ZNF860: variants seen among roughly 807,000 people sequenced by gnomAD.
ZNF860 encodes the protein zinc finger protein 860.
For synonymous variants in ZNF860, 206 were observed against 248.9 expected (o/e 0.83, Z 1.62); for missense variants, 641 against 759.2 (o/e 0.84, Z 1.83).
downstream of ZNF860, among the ~76,000 whole-genome samples, chr3:31,993,400 G>C (rs925659415): frequency 1.3e-5 from 2 of 151,680 alleles, no homozygotes; most frequent in African/African-American, 4.8e-5. Context: ...TAGAGACAGG[G>C]TTTCTCCATG....
chr3:32,000,219 C>G, the ZNF860 span, among the ~76,000 whole-genome samples: 1 of 152,184 alleles, frequency 6.6e-6, no homozygotes, highest in Admixed American at 6.5e-5. Flanking sequence ...CATAATTTCA[C>G]TGTAGCATGG....
At chr3:31,998,514 C>T in the ZNF860 span, among the ~76,000 whole-genome samples, 1 of 152,184 alleles carries the variant, frequency 6.6e-6, no homozygotes, top group South Asian at 2.1e-4. Flanking sequence ...CTTGGGATTG[C>T]AATGATGGAG....
chr3:31,983,203 T>C (rs1194690985), intron 1 of ZNF860, among the ~76,000 whole-genome samples: 3 of 152,224 alleles, frequency 2.0e-5, no homozygotes, highest in African/African-American at 7.2e-5. Flanking sequence ...ATATGAGTGT[T>C]CATTGAGTCC....
the ZNF860 span, among the ~76,000 whole-genome samples, chr3:32,003,312 T>C: frequency 2.7e-4 from 41 of 152,326 alleles, no homozygotes; most frequent in African/African-American, 9.6e-4. Flanking sequence ...CCTATGCATA[T>C]ACACATGAAA....
chr3:32,005,802 G>A, the ZNF860 span, among the ~76,000 whole-genome samples: 1 of 151,950 alleles, frequency 6.6e-6, no homozygotes, highest in South Asian at 2.1e-4. Context: ...TTAGCCGCAT[G>A]GTCTCAGTCT....
the ZNF860 span, among the ~76,000 whole-genome samples, chr3:32,002,033 G>T: frequency 6.6e-6 from 1 of 152,294 alleles, no homozygotes; most frequent in South Asian, 2.1e-4. Context: ...GCAGGTTAGG[G>T]TTCAAACCCA....
chr3:31,998,301 A>G, the ZNF860 span, among the ~76,000 whole-genome samples: 1 of 152,132 alleles, frequency 6.6e-6, no homozygotes, highest in African/African-American at 2.4e-5. Context: ...GCATCAAAGT[A>G]TACTCCCCAT....
At chr3:31,986,734 G>A (rs1347965277) in intron 1 of ZNF860, among the ~76,000 whole-genome samples, 2 of 152,046 alleles carry the variant, frequency 1.3e-5, no homozygotes, top group East Asian at 1.9e-4. Context: ...CTGAAGACCA[G>A]GTGCAGTAGC....
At chr3:31,993,690 A>ACACACG (rs949281655), downstream of ZNF860, among the ~76,000 whole-genome samples, 1 of 151,864 alleles carries the variant, frequency 6.6e-6, no homozygotes, top group Non-Finnish European at 1.5e-5. Context: ...ATACACACAC[A>ACACACG]CACACACACA....
chr3:32,000,356 T>C, the ZNF860 span, among the ~76,000 whole-genome samples: 1 of 152,186 alleles, frequency 6.6e-6, no homozygotes, highest in Non-Finnish European at 1.5e-5. Flanking sequence ...AAATAGTGTT[T>C]AGGATCAGAC....
In ZNF860 at chr3:31,989,792, C is replaced by G. The variant is rs763745088; in HGVS notation, c.713C>G (p.Ala238Gly). Residue 238 changes from alanine to glycine, a missense_variant, in exon 2 of 2, where the codon GCC becomes GGC. Transcript: ENST00000360311. ...TTCCAATGTAATGAGAGTGGCAAAGCCTTTAATTGTAGCTCACTCTTAAGG... is the reference window on the plus strand; with the variant it reads ...TTCCAATGTAATGAGAGTGGCAAAGGCTTTAATTGTAGCTCACTCTTAAGG... Reference protein sequence around the residue: ...KSFQCNESGKAFNCSSLLRKH... With the variant: ...KSFQCNESGKGFNCSSLLRKH... 5.6e-6 allele frequency: 9 copies of G among 1,613,980 alleles called. No individual in the cohort carries two copies. Among genetic ancestry groups the G allele is most frequent in the Non-Finnish European group, 7.6e-6 (9 of 1,180,018 alleles).
the ZNF860 span, among the ~76,000 whole-genome samples, chr3:32,002,654 T>C: frequency 3.1e-5 from 4 of 130,260 alleles, no homozygotes; most frequent in African/African-American, 5.2e-5. Context: ...GATGTTTCAC[T>C]CTAACATCAT....
chr3:31,990,800 C>G lies in ZNF860; in HGVS notation c.1721C>G (p.Ala574Gly), dbSNP rs759351448. ...TACAAATGTGATGATTTTGACGAGG[C>G]CTTCAGTCAAGCTTCATCTTATGCA... is the stretch of plus-strand genomic sequence containing the variant. ...KPYKCDDFDE[A>G]FSQASSYAKQ... The change falls in exon 2 of 2, where the codon GCC (alanine) becomes GGC (glycine). Residue 574 changes from alanine (A) to glycine (G), a missense_variant. Coordinates refer to ENST00000360311, the MANE Select transcript of ZNF860 (RefSeq NM_001137674.3). 1.2e-6 allele frequency: 2 copies of G among 1,608,758 alleles called. No homozygotes were observed. The highest frequency in any genetic ancestry group is 1.7e-4 in the Middle Eastern group (1 of 6,048).
At chr3:31,997,922 G>T in the ZNF860 span, among the ~76,000 whole-genome samples, 5 of 151,952 alleles carry the variant, frequency 3.3e-5, no homozygotes, top group Non-Finnish European at 5.9e-5. Flanking sequence ...CGAGTAGCTG[G>T]GACTATACAG....
the ZNF860 span, among the ~76,000 whole-genome samples, chr3:32,002,211 C>A: frequency 2.0e-5 from 3 of 152,122 alleles, no homozygotes; most frequent in Non-Finnish European, 4.4e-5. Flanking sequence ...TTTTATCCTG[C>A]ATTTTAGGTG....
intron 1 of ZNF860, among the ~76,000 whole-genome samples, chr3:31,982,327 A>G (rs1698867169): frequency 6.6e-6 from 1 of 152,204 alleles, no homozygotes; most frequent in South Asian, 2.1e-4. Flanking sequence ...AATTACCTAG[A>G]AAAAAGCTTT....
rs149033991 is a variant in ZNF860 at position 31,988,823 on chromosome 3, T to C, written c.-257T>C. 469 of 531,596 alleles carry C rather than the reference T, an allele frequency of 8.8e-4. No homozygotes were observed. Among genetic ancestry groups the C allele is most frequent in the African/African-American group, 7.8e-3 (413 of 52,848 alleles). 32.9% of individuals were successfully genotyped at this position (531,596 alleles called of 1,614,324 possible). A position where few individuals can be genotyped will look rare whatever the true frequency, so the allele number is the denominator to read the frequency against. ...TGTGAGTGACCTTGGAAGTAGGTTG[T>C]CACCAGTCAAGCCTTGAGATGACTG... On this transcript the variant is annotated 5_prime_UTR_variant, in exon 2 of 2. Transcript: ENST00000360311.
At chr3:31,984,525 G>T (rs1698906578) in intron 1 of ZNF860, among the ~76,000 whole-genome samples, 1 of 152,074 alleles carries the variant, frequency 6.6e-6, no homozygotes, top group African/African-American at 2.4e-5. Context: ...GGTGGCAACT[G>T]GTCCGTCAGA....
At chr3:31,994,342 T>C (rs548223897), downstream of ZNF860, among the ~76,000 whole-genome samples, 2 of 152,326 alleles carry the variant, frequency 1.3e-5, no homozygotes, top group Admixed American at 6.5e-5. Flanking sequence ...CCAGGCCTCA[T>C]AGAAACTCAT....
Sources: gnomAD v4.1 joint callset for allele counts (sites outside exome capture counted in the v4.1 genomes callset) on GRCh38, gnomAD v4.1.1 for gene constraint, MANE v1.5 for transcripts, NCBI Gene and HGNC (gene_info 2026-07-23, HGNC 2026-07-21) for gene names.